TBCK: variants seen among roughly 807,000 people sequenced by gnomAD.
The protein encoded by TBCK is TBC domain-containing protein kinase-like protein.
Under a neutral mutation model 113.4 loss-of-function variants are expected in TBCK, and 99 were observed. The ratio of observed to expected loss-of-function variants is 0.87; its 90% CI spans 0.74 to 1.03. TBCK has a LOEUF of 1.03. Ranked by LOEUF, TBCK falls within the 50% of genes least tolerant of loss-of-function variation. The probability of loss-of-function intolerance (pLI) is 0.00; values close to 1 mark genes in which losing one functional copy is unlikely to be tolerated. For missense variants in TBCK, 1,045 were observed against 1,061.3 expected (o/e 0.98, Z 0.21); for synonymous variants, 369 against 370.8 (o/e 1.00, Z 0.05).
At chr4:106,083,197 G>A (rs1739098627) in intron 25 of TBCK, among the ~76,000 whole-genome samples, 2 of 152,210 alleles carry the variant, frequency 1.3e-5, no homozygotes, top group Non-Finnish European at 2.9e-5. Flanking sequence ...CCCTGGGCAG[G>A]GGAAGCGTGG....
chr4:106,129,729 T>C (rs1297758088), intron 23 of TBCK, among the ~76,000 whole-genome samples: 2 of 152,230 alleles, frequency 1.3e-5, no homozygotes, highest in Admixed American at 1.3e-4. Context: ...TTTACAGTCA[T>C]AGAAATACAA....
In TBCK at chr4:106,171,238, T is replaced by C. The variant is rs761130456; in HGVS notation, c.2092A>G (p.Ile698Val). Residue 698 changes from isoleucine to valine, a missense_variant, in exon 23 of 26, where the codon ATC (isoleucine) becomes GTC (valine). Physicochemically the swap from Ile to Val is conservative, Grantham distance 29. Transcript: ENST00000394708. ...IDIERCVRES[I>V]NLFCWTPKSA... ...TTAGGAGTCCAACAAAACAGGTTGATAGATTCTCTCACACAGCGTTCAATG... is the reference window on the plus strand; with the variant it reads ...TTAGGAGTCCAACAAAACAGGTTGACAGATTCTCTCACACAGCGTTCAATG... 5.6e-6 allele frequency: 9 copies of C among 1,611,112 alleles called. No homozygotes were observed. Among genetic ancestry groups the C allele is most frequent in the South Asian group, 2.2e-5 (2 of 90,488 alleles).
chr4:106,114,633 C>T (rs972749523), intron 24 of TBCK, among the ~76,000 whole-genome samples: 7 of 152,128 alleles, frequency 4.6e-5, no homozygotes, highest in Non-Finnish European at 8.8e-5. Flanking sequence ...TTCTTACATC[C>T]GTTGTTCGGC....
chr4:106,210,777 A>T (rs1756039452), intron 20 of TBCK, among the ~76,000 whole-genome samples: 1 of 152,174 alleles, frequency 6.6e-6, no homozygotes, highest in African/African-American at 2.4e-5. Flanking sequence ...GTAAACATTT[A>T]ATATGTATTC....
chr4:106,316,549 T>G, upstream of TBCK: 1 of 1,551,674 alleles, frequency 6.4e-7, no homozygotes, highest in Non-Finnish European at 8.7e-7. Context: ...TGGACCTACA[T>G]GCTTCCTGCT....
At position 106,295,093 on chromosome 4, in the gene TBCK, C is replaced by T. The variant is rs761664249; in HGVS notation, c.266+1G>A. 2 of 1,611,668 alleles carry T rather than the reference C, an allele frequency of 1.2e-6. No homozygotes were observed. The highest frequency in any genetic ancestry group is 1.7e-6 in the Non-Finnish European group (2 of 1,178,380). On this transcript the variant is annotated splice_donor_variant, in intron 3 of 25. Coordinates refer to ENST00000394708, the MANE Select transcript of TBCK (RefSeq NM_001163435.3). LOFTEE classifies it high-confidence loss of function. ...TTAATTGTTCTGATACTATACAGTACCTCACAGGTTTCCTTTCTCGAAGCA... is the reference window on the plus strand; with the variant it reads ...TTAATTGTTCTGATACTATACAGTATCTCACAGGTTTCCTTTCTCGAAGCA...
intron 22 of TBCK, among the ~76,000 whole-genome samples, chr4:106,186,933 T>C (rs937268628): frequency 1.6e-4 from 24 of 152,160 alleles, no homozygotes; most frequent in Admixed American, 1.5e-3. Flanking sequence ...AAGGAAGCGC[T>C]CCAGTTTCAA....
chr4:106,289,889 G>C (rs989395881), intron 3 of TBCK, among the ~76,000 whole-genome samples: 1 of 151,900 alleles, frequency 6.6e-6, no homozygotes, highest in Non-Finnish European at 1.5e-5. Flanking sequence ...AAAACTCCTT[G>C]TTTTACAGAT....
At chr4:106,065,737 A>C (rs1422447659) in intron 25 of TBCK, among the ~76,000 whole-genome samples, 1 of 152,044 alleles carries the variant, frequency 6.6e-6, no homozygotes, top group Non-Finnish European at 1.5e-5. Flanking sequence ...TGATTATACT[A>C]TACACTATAG....
At chr4:106,254,731 T>C (rs1310821506) in intron 5 of TBCK, among the ~76,000 whole-genome samples, 10 of 152,110 alleles carry the variant, frequency 6.6e-5, no homozygotes, top group Non-Finnish European at 4.4e-5. Flanking sequence ...CCCTGTTCCC[T>C]TTATTGAAAC....
chr4:106,238,991 TGAA>T (rs1355900589), intron 12 of TBCK, among the ~76,000 whole-genome samples: 1 of 151,992 alleles, frequency 6.6e-6, no homozygotes, highest in Non-Finnish European at 1.5e-5. Context: ...GTTCTCAGGG[TGAA>T]GATCTGAGAA....
At chr4:106,250,258 T>C (rs1293109632) in intron 7 of TBCK, among the ~76,000 whole-genome samples, 160 bp downstream of exon 7, 1 of 152,084 alleles carries the variant, frequency 6.6e-6, no homozygotes, top group Non-Finnish European at 1.5e-5. Context: ...GGACCTCATA[T>C]GCTGTTCTGC....
At chr4:106,057,698 C>T (rs1196438541) in intron 25 of TBCK, among the ~76,000 whole-genome samples, 1 of 151,750 alleles carries the variant, frequency 6.6e-6, no homozygotes, top group Non-Finnish European at 1.5e-5. Flanking sequence ...TCTATTATCA[C>T]CCTCTCTGTA....
chr4:106,048,606 T>C (rs1423052947), intron 25 of TBCK, among the ~76,000 whole-genome samples: 1 of 152,158 alleles, frequency 6.6e-6, no homozygotes, highest in Non-Finnish European at 1.5e-5. Flanking sequence ...TGAAACATCT[T>C]GGCTGCATTC....
chr4:106,126,005 A>C (rs1189638650), intron 23 of TBCK, among the ~76,000 whole-genome samples: 8 of 152,196 alleles, frequency 5.3e-5, no homozygotes, highest in African/African-American at 1.9e-4. Context: ...TTTTTATCTT[A>C]TACCTCTTTT....
chr4:106,145,895 C>T (rs1747734666), intron 23 of TBCK, among the ~76,000 whole-genome samples: 1 of 152,112 alleles, frequency 6.6e-6, no homozygotes, highest in East Asian at 1.9e-4. Flanking sequence ...GTCAAAAAAA[C>T]AGATGCTGGC....
At chr4:106,170,307 A>G (rs1750840226) in intron 23 of TBCK, among the ~76,000 whole-genome samples, 2 of 152,112 alleles carry the variant, frequency 1.3e-5, no homozygotes, top group Admixed American at 1.3e-4. Context: ...AGGATATTTT[A>G]GAAATATCTT....
chr4:106,110,918 G>C (rs184772876), intron 24 of TBCK, among the ~76,000 whole-genome samples: 3 of 152,138 alleles, frequency 2.0e-5, no homozygotes, highest in East Asian at 3.9e-4. Context: ...AGCAGCATTA[G>C]ATGGGGAGCT....
intron 1 of TBCK, among the ~76,000 whole-genome samples, chr4:106,311,546 A>G (rs1353181420): frequency 6.6e-6 from 1 of 152,176 alleles, no homozygotes; most frequent in African/African-American, 2.4e-5. Context: ...TATATTCAAT[A>G]AGTAAGGGAA....
Sources: gnomAD v4.1 joint callset for allele counts (sites outside exome capture counted in the v4.1 genomes callset) on GRCh38, gnomAD v4.1.1 for gene constraint, MANE v1.5 for transcripts, NCBI Gene and HGNC (gene_info 2026-07-23, HGNC 2026-07-21) for gene names.